RERE: variants seen among roughly 807,000 people sequenced by gnomAD.
RERE encodes arginine-glutamic acid dipeptide repeats.
RERE carries 40 observed loss-of-function variants against 146.1 expected under a neutral mutation model. That is an observed-to-expected ratio of 0.27 (90% confidence interval 0.21 to 0.36). The LOEUF (loss-of-function observed/expected upper bound fraction) is 0.36. RERE is among the 10% of genes least tolerant of loss of function. The pLI, the probability that RERE is intolerant of heterozygous loss-of-function variation, is 1.00. For synonymous variants in RERE, 1,003 were observed against 866.0 expected (o/e 1.16, Z -2.78); for missense variants, 1,933 against 2,138.7 (o/e 0.90, Z 1.90).
chr1:8,474,674 C>G (rs1644730556), intron 10 of RERE, among the ~76,000 whole-genome samples: 1 of 152,220 alleles, frequency 6.6e-6, no homozygotes, highest in Non-Finnish European at 1.5e-5. Context: ...CATCTCTGGT[C>G]TCACACATCA....
intron 4 of RERE, among the ~76,000 whole-genome samples, chr1:8,604,291 G>T (rs1646671306): frequency 6.6e-6 from 1 of 152,182 alleles, no homozygotes; most frequent in African/African-American, 2.4e-5. Context: ...TGGGGGAAGG[G>T]TATACTGCAG....
intron 11 of RERE, among the ~76,000 whole-genome samples, chr1:8,458,191 T>C (rs904620565): frequency 2.0e-5 from 3 of 152,136 alleles, no homozygotes; most frequent in Non-Finnish European, 4.4e-5. Context: ...ATAACCACTG[T>C]CTATGGGAGA....
chr1:8,813,974 A>C (rs919151481), intron 1 of RERE, among the ~76,000 whole-genome samples: 4 of 152,214 alleles, frequency 2.6e-5, no homozygotes, highest in Admixed American at 2.6e-4. Flanking sequence ...TTGAAAAGGT[A>C]ACTGGTACAT....
At chr1:8,474,994 A>G (rs1047882260) in intron 10 of RERE, among the ~76,000 whole-genome samples, 1 of 152,252 alleles carries the variant, frequency 6.6e-6, no homozygotes, top group African/African-American at 2.4e-5. Context: ...AATAAATCTT[A>G]AAATTCTTCA....
intron 12 of RERE, among the ~76,000 whole-genome samples, chr1:8,380,487 T>C (rs576412952): frequency 6.6e-6 from 1 of 152,278 alleles, no homozygotes; most frequent in East Asian, 1.9e-4. Context: ...CAGCTGGAAC[T>C]ATAGGCACGT....
rs868711519 is a variant in RERE at position 8,498,718 on chromosome 1, A to T, written c.880-1189T>A. ...CTCAAAAAAAAAAAAAATAAAAAAA[A>T]AAAAATAAATATATACACACACACA... is the stretch of plus-strand genomic sequence containing the variant. On this transcript the variant is annotated intron_variant, in intron 8 of 22. Coordinates refer to ENST00000400908, the MANE Select transcript of RERE (RefSeq NM_001042681.2). Among the ~76,000 whole-genome samples the T allele has an allele frequency of 3.1e-4, 26 of 83,300 alleles. 1 individual carries two copies. The South Asian group carries it at 4.8e-3, about 15-fold the overall frequency. 54.6% of individuals were successfully genotyped at this position (83,300 alleles called of 152,430 possible).
At chr1:8,726,786 T>A (rs1419427656) in intron 1 of RERE, among the ~76,000 whole-genome samples, 1 of 151,800 alleles carries the variant, frequency 6.6e-6, no homozygotes, top group African/African-American at 2.4e-5. Context: ...CTTTCAGTAT[T>A]CTAATATTGT....
chr1:8,815,209 ATCTTT>A (rs1281412550), intron 1 of RERE, among the ~76,000 whole-genome samples: 4 of 152,184 alleles, frequency 2.6e-5, no homozygotes, highest in African/African-American at 9.7e-5. Context: ...AGAAAACCAG[ATCTTT>A]TCTTATAACC....
At chr1:8,695,077 T>TA (rs1231028966) in intron 1 of RERE, among the ~76,000 whole-genome samples, 1 of 143,500 alleles carries the variant, frequency 7.0e-6, no homozygotes, top group Non-Finnish European at 1.5e-5. Flanking sequence ...AACAGACACA[T>TA]AGACCAATGA....
Position 8,358,511 on chromosome 1 carries a change from TGGC to T in RERE, c.4021_4023del (p.Ala1341del). 6.3e-7 allele frequency: 1 copy of T among 1,592,064 alleles called. No homozygotes were observed. Among genetic ancestry groups the T allele is most frequent in the African/African-American group, 1.3e-5 (1 of 74,396 alleles). Reference sequence around the variant, plus strand: ...TGCCGGGCAAAGTGCTCCATGGGGTTGGCGGCTGGGTGCAGGGGGTCCAGCTCT... The same window carrying T: ...TGCCGGGCAAAGTGCTCCATGGGGTTGGCTGGGTGCAGGGGGTCCAGCTCT... On this transcript the variant is annotated inframe_deletion, in exon 20 of 23. Coordinates refer to ENST00000400908, the MANE Select transcript of RERE (RefSeq NM_001042681.2).
chr1:8,755,785 C>A (rs989394954), intron 1 of RERE, among the ~76,000 whole-genome samples: 1 of 152,154 alleles, frequency 6.6e-6, no homozygotes. Flanking sequence ...CCAAATTGGG[C>A]CAGGTGCAGT....
chr1:8,677,583 T>C (rs774355506), intron 1 of RERE, among the ~76,000 whole-genome samples: 1 of 152,180 alleles, frequency 6.6e-6, no homozygotes, highest in Non-Finnish European at 1.5e-5. Context: ...AAAAACCTTA[T>C]TATTCACTAA....
chr1:8,504,508 G>C (rs1172918889), intron 8 of RERE, among the ~76,000 whole-genome samples: 1 of 152,200 alleles, frequency 6.6e-6, no homozygotes, highest in Non-Finnish European at 1.5e-5. Context: ...ATGGATGGCA[G>C]AATTAGAATA....
chr1:8,595,242 T>C (rs1475464013), intron 4 of RERE, among the ~76,000 whole-genome samples: 1 of 152,046 alleles, frequency 6.6e-6, no homozygotes, highest in East Asian at 1.9e-4. Flanking sequence ...TAAAATTTCT[T>C]TGCCTATGTG....
chr1:8,595,274 T>A (rs1292703078), intron 4 of RERE, among the ~76,000 whole-genome samples: 1 of 151,422 alleles, frequency 6.6e-6, no homozygotes, highest in African/African-American at 2.4e-5. Context: ...TTTTATTTCA[T>A]CTGAAAAAAA....
chr1:8,399,722 T>C (rs1252429537), intron 12 of RERE, among the ~76,000 whole-genome samples: 1 of 152,160 alleles, frequency 6.6e-6, no homozygotes, highest in Non-Finnish European at 1.5e-5. Context: ...TGCAGAGTAC[T>C]TTTTCCATTA....
chr1:8,523,022 C>CA (rs1242744278), intron 7 of RERE, among the ~76,000 whole-genome samples: 1 of 151,586 alleles, frequency 6.6e-6, no homozygotes, highest in Non-Finnish European at 1.5e-5. Flanking sequence ...ACAGAAAATA[C>CA]AAAAAATTAG....
chr1:8,479,958 T>C (rs1644808891), intron 10 of RERE, among the ~76,000 whole-genome samples: 1 of 152,150 alleles, frequency 6.6e-6, no homozygotes, highest in African/African-American at 2.4e-5. Context: ...TTTTGTAGTA[T>C]GCTGTAGAAT....
chr1:8,387,368 T>C (rs977526990), intron 12 of RERE, among the ~76,000 whole-genome samples: 1 of 152,148 alleles, frequency 6.6e-6, no homozygotes, highest in Non-Finnish European at 1.5e-5. Context: ...ATAAAACTTT[T>C]AGAAAACAGT....
Sources: gnomAD v4.1 joint callset for allele counts (sites outside exome capture counted in the v4.1 genomes callset) on GRCh38, gnomAD v4.1.1 for gene constraint, MANE v1.5 for transcripts, NCBI Gene and HGNC (gene_info 2026-07-23, HGNC 2026-07-21) for gene names.